The following MTERF4 variants were observed in gnomAD, a reference collection of about 807,000 sequenced individuals.
MTERF4 encodes the protein transcription termination factor 4, mitochondrial.
A neutral mutation model predicts 22.5 loss-of-function variants in MTERF4; 17 were observed. The observed-to-expected ratio is 0.75, with a 90% CI of 0.52 to 1.13. The LOEUF (loss-of-function observed/expected upper bound fraction) is 1.13. Ranked by LOEUF, MTERF4 falls within the 50% of genes most tolerant of loss-of-function variation. MTERF4 has a pLI of 0.00. For missense variants in MTERF4, 420 were observed against 466.8 expected (o/e 0.90, Z 0.92); for synonymous variants, 165 against 175.3 (o/e 0.94, Z 0.47).
chr2:241,055,531 G>A, the MTERF4 span, among the ~76,000 whole-genome samples: 1 of 152,304 alleles, frequency 6.6e-6, no homozygotes, highest in African/African-American at 2.4e-5. Context: ...CACTGTCACT[G>A]TAATGTTAAA....
At chr2:241,102,076 A>G (rs2064737588) in intron 1 of MTERF4, 177 bp downstream of exon 1, 2 of 786,352 alleles carry the variant, frequency 2.5e-6, no homozygotes, top group Non-Finnish European at 4.0e-6. Context: ...TCAACTCTAT[A>G]TCCCACAATA....
At position 241,075,131 on chromosome 2, in the gene MTERF4, A is replaced by G. The variant is rs2062959462; in HGVS notation, n.1031T>C. The G allele has an allele frequency of 6.6e-6, 1 of 152,160 alleles. No individual in the cohort carries two copies. The highest frequency in any genetic ancestry group is 1.5e-5 in the Non-Finnish European group (1 of 68,040). The allele number at this position is 152,160 out of a possible 1,614,324, so 9.4% of individuals were successfully genotyped here. A position where few individuals can be genotyped will look rare whatever the true frequency, so the allele number is the denominator to read the frequency against. On this transcript the variant is annotated non_coding_transcript_exon_variant, in exon 5 of 5. Coordinates refer to the MTERF4 transcript ENST00000464344. This position sits in a 1 kb window ranked among gnomAD's most constrained non-coding sequence, Gnocchi z 4.8. ...ATTGAGCACAGAGTCCACTGAGTGA[A>G]CTGACCGGCTCTTCTCCCCTCTCTG...
the MTERF4 span, chr2:241,063,350 G>A: frequency 1.8e-6 from 1 of 559,334 alleles, no homozygotes; most frequent in South Asian, 2.0e-5. Flanking sequence ...CCATTGCGGA[G>A]TGGCCTGGAG....
chr2:241,073,054 C>A lies in MTERF4; in HGVS notation n.3108G>T. On this transcript the variant is annotated non_coding_transcript_exon_variant, in exon 5 of 5. Transcript: ENST00000464344. The surrounding 1 kb of genome is among the most constrained non-coding windows in gnomAD (Gnocchi z 6.6). ...TGAGGGGGCCCTGCAAGGGGAAGGC[C>A]GAGCCCCTCCAGAGGGTCAGCAGGA... 1.8e-6 allele frequency: 1 copy of A among 554,790 alleles called. No individual in the cohort carries two copies. Among genetic ancestry groups the A allele is most frequent in the Non-Finnish European group, 3.2e-6 (1 of 311,246 alleles). 34.4% of individuals were successfully genotyped at this position (554,790 alleles called of 1,614,324 possible). A position where few individuals can be genotyped will look rare whatever the true frequency, so the allele number is the denominator to read the frequency against.
At chr2:241,098,617 G>C (rs2064561090) in intron 2 of MTERF4, among the ~76,000 whole-genome samples, 1 of 152,238 alleles carries the variant, frequency 6.6e-6, no homozygotes, top group Admixed American at 6.5e-5. Context: ...AACCTGGCCA[G>C]ATCTCTCATG....
chr2:241,072,360 G>T (rs989157402), exon 5 of MTERF4: 3 of 374,578 alleles, frequency 8.0e-6, no homozygotes, highest in South Asian at 4.0e-5. Context: ...CCTTCCCACC[G>T]GGTTTACTGG....
chr2:241,069,087 C>G (rs2062591813), downstream of MTERF4: 6 of 1,139,330 alleles, frequency 5.3e-6, no homozygotes. The surrounding 1 kb of genome is among the most constrained non-coding windows in gnomAD (Gnocchi z 4.9). Flanking sequence ...TGGCTTCCTT[C>G]CAGCCTCCCC....
chr2:241,045,824 A>C, the MTERF4 span, among the ~76,000 whole-genome samples: 2 of 152,334 alleles, frequency 1.3e-5, no homozygotes, highest in South Asian at 2.1e-4. Flanking sequence ...TCAAAATTTA[A>C]AACTTTTGCT....
chr2:241,057,820 T>C, the MTERF4 span, among the ~76,000 whole-genome samples: 1 of 152,176 alleles, frequency 6.6e-6, no homozygotes. Context: ...AAAGTGTCCT[T>C]TTCTGAAAGA....
At chr2:241,068,858 C>A, downstream of MTERF4, 4 of 1,287,496 alleles carry the variant, frequency 3.1e-6, no homozygotes, top group African/African-American at 3.0e-5. The surrounding 1 kb of genome is among the most constrained non-coding windows in gnomAD (Gnocchi z 5.3). Context: ...GCAGCAGAGT[C>A]ACACACAGGT....
At chr2:241,081,411 CTTGT>C (rs1182095077) in intron 4 of MTERF4, among the ~76,000 whole-genome samples, 2 of 150,262 alleles carry the variant, frequency 1.3e-5, no homozygotes, top group Non-Finnish European at 1.5e-5. Context: ...TCTCCTCCTC[CTTGT>C]TTTTGTTTGT....
At chr2:241,065,627 C>T in the MTERF4 span, 1 of 1,596,826 alleles carries the variant, frequency 6.3e-7, no homozygotes, top group African/African-American at 1.3e-5. Context: ...CGTCCCTGCC[C>T]AGCCCCTGCC....
chr2:241,093,060 T>C (rs965221880), downstream of MTERF4: 2 of 152,304 alleles, frequency 1.3e-5, no homozygotes, highest in Admixed American at 1.3e-4. Flanking sequence ...TTATTAAAAT[T>C]TCATGTGCAT....
Position 241,096,322 on chromosome 2 carries a change from G to C in MTERF4, c.822C>G (p.Tyr274Ter). The change falls in exon 4 of 4, where the codon TAC becomes TAG. Residue 274 changes from tyrosine (Y) to a stop codon, truncating the protein, a stop_gained. Coordinates refer to ENST00000391980, the MANE Select transcript of MTERF4 (RefSeq NM_182501.4). LOFTEE classifies it low-confidence loss of function (END_TRUNC). The surrounding 1 kb of genome is among the most constrained non-coding windows in gnomAD (Gnocchi z 5.1). The stretch of plus-strand genomic sequence containing the variant: ...TCTGCCCCTTCTTATCAGGGGTTTG[G>C]TACCGTCCCAGGCGCTCCAGGTAAA... ...RHIYLERLGRYQTPDKKGQTQ... is the reference protein window; with the variant it reads ...RHIYLERLGR The C allele has an allele frequency of 6.2e-7, 1 of 1,614,156 alleles. No homozygotes were observed. Among genetic ancestry groups the C allele is most frequent in the East Asian group, 2.2e-5 (1 of 44,886 alleles).
In MTERF4 at chr2:241,099,486, C is replaced by A. The variant is rs1336994031; in HGVS notation, c.430G>T (p.Val144Phe). ...AATAACTGGGGACTTTTCTTCAAGA[C>A]CACACACACAGGCTCTGGATTCAGA... ...LGLNPEPVCV[V>F]LKKSPQLLKL... Residue 144 changes from valine to phenylalanine, a missense_variant, in exon 2 of 4, where the codon GTC (valine) becomes TTC (phenylalanine). Physicochemically the swap from Val to Phe is conservative, Grantham distance 50 (BLOSUM62 -1). Coordinates refer to ENST00000391980, the MANE Select transcript of MTERF4 (RefSeq NM_182501.4). The A allele has an allele frequency of 6.2e-7, 1 of 1,614,162 alleles. No homozygotes were observed. Among genetic ancestry groups the A allele is most frequent in the Admixed American group, 1.7e-5 (1 of 60,026 alleles).
chr2:241,084,903 A>G (rs958632369), downstream of MTERF4, among the ~76,000 whole-genome samples: 1 of 151,928 alleles, frequency 6.6e-6, no homozygotes, highest in Non-Finnish European at 1.5e-5. Flanking sequence ...AGACTTCTTG[A>G]TTGACAGTTA....
chr2:241,050,544 G>A, the MTERF4 span, among the ~76,000 whole-genome samples: 1 of 152,176 alleles, frequency 6.6e-6, no homozygotes, highest in Non-Finnish European at 1.5e-5. Context: ...GGACTGGTGT[G>A]GAGCCTTCCA....
rs2064623600 is a variant in MTERF4 at position 241,099,843 on chromosome 2, G to A, written c.73C>T (p.Gln25Ter). 1.2e-6 allele frequency: 2 copies of A among 1,613,806 alleles called. No homozygotes were observed. Among genetic ancestry groups the A allele is most frequent in the Non-Finnish European group, 1.7e-6 (2 of 1,180,016 alleles). Residue 25 changes from glutamine to a stop codon, truncating the protein, a stop_gained, in exon 2 of 4, where the codon CAG becomes TAG. Coordinates refer to ENST00000391980, the MANE Select transcript of MTERF4 (RefSeq NM_182501.4). LOFTEE classifies it high-confidence loss of function. Reference sequence around the variant, plus strand: ...CTCTGTTCTCCAAGATGAGGAGTCTGCCTAGCCATACAGGCCCAGGTGAGG... The same window carrying A: ...CTCTGTTCTCCAAGATGAGGAGTCTACCTAGCCATACAGGCCCAGGTGAGG... ...IPLTWACMAR[Q>*]TPHLGEQRRT...
chr2:241,102,207 G>A (rs755113752), intron 1 of MTERF4, 46 bp downstream of exon 1: 9 of 1,547,544 alleles, frequency 5.8e-6, no homozygotes, highest in Middle Eastern at 1.7e-4. Flanking sequence ...GTCGCTGCCC[G>A]CCCGCCTGCG....
Sources: gnomAD v4.1 joint callset for allele counts (sites outside exome capture counted in the v4.1 genomes callset) on GRCh38, gnomAD v4.1.1 for gene constraint, Gnocchi (gnomAD v3.1) non-coding constraint, MANE v1.5 for transcripts, NCBI Gene and HGNC (gene_info 2026-07-23, HGNC 2026-07-21) for gene names.